Variants in KCNH7 observed in about 807,000 individuals in gnomAD.
KCNH7 encodes voltage-gated inwardly rectifying potassium channel KCNH7.
Under a neutral mutation model 120.8 loss-of-function variants are expected in KCNH7, and 49 were observed. That is an observed-to-expected ratio of 0.41 (90% CI 0.32 to 0.51). The LOEUF is 0.51. KCNH7 is among the 20% of genes least tolerant of loss of function. The pLI, the probability that KCNH7 is intolerant of heterozygous loss-of-function variation, is 0.38. For synonymous variants in KCNH7, 547 were observed against 516.1 expected (o/e 1.06, Z -0.81); for missense variants, 1,097 against 1,446.6 (o/e 0.76, Z 3.92).
chr2:162,654,114 T>C (rs1315564707), intron 2 of KCNH7, among the ~76,000 whole-genome samples: 2 of 146,432 alleles, frequency 1.4e-5, no homozygotes, highest in African/African-American at 5.0e-5. Flanking sequence ...GAAATGACCC[T>C]AAAAACACAA....
chr2:162,481,030 G>A (rs965548374), intron 6 of KCNH7, among the ~76,000 whole-genome samples: 7 of 152,044 alleles, frequency 4.6e-5, no homozygotes, highest in South Asian at 2.1e-4. Context: ...GGCTTCCTTC[G>A]TGTTTTAATG....
intron 2 of KCNH7, among the ~76,000 whole-genome samples, chr2:162,766,992 A>T (rs1682842518): frequency 6.6e-6 from 1 of 152,050 alleles, no homozygotes; most frequent in Non-Finnish European, 1.5e-5. Flanking sequence ...TTAACAATTT[A>T]TCTTTGAGAT....
chr2:162,512,081 T>G (rs1691098668), intron 5 of KCNH7, among the ~76,000 whole-genome samples: 1 of 151,758 alleles, frequency 6.6e-6, no homozygotes, highest in South Asian at 2.1e-4. Flanking sequence ...TTGTAGGTCA[T>G]GCCAGTGATT....
At chr2:162,484,380 A>G (rs1296754782) in intron 6 of KCNH7, among the ~76,000 whole-genome samples, 1 of 152,152 alleles carries the variant, frequency 6.6e-6, no homozygotes, top group African/African-American at 2.4e-5. Flanking sequence ...TCTCCTTTTC[A>G]GCATCCTGTA....
chr2:162,648,975 A>C (rs1290382675), intron 2 of KCNH7, among the ~76,000 whole-genome samples: 3 of 152,170 alleles, frequency 2.0e-5, no homozygotes, highest in African/African-American at 7.2e-5. Context: ...CTCAGACATG[A>C]TTCTCCAGGT....
At chr2:162,543,551 AT>A (rs1204122684) in intron 2 of KCNH7, among the ~76,000 whole-genome samples, 1 of 152,130 alleles carries the variant, frequency 6.6e-6, no homozygotes, top group East Asian at 1.9e-4. Context: ...AGTGTGAATA[AT>A]TTATTTTCAA....
In KCNH7 at chr2:162,838,581, T is replaced by C. The variant is rs1046497902; in HGVS notation, c.-63A>G. On this transcript the variant is annotated 5_prime_UTR_variant, in exon 1 of 16. Transcript: ENST00000332142. ...TCTGGAGTTCTCCCGGGATCTCTCC[T>C]CGGCTAGAGCCCAGGCCAGCGCGCG... 4.6e-5 allele frequency: 64 copies of C among 1,383,958 alleles called. No homozygotes were observed. The highest frequency in any genetic ancestry group is 5.7e-5 in the African/African-American group (4 of 70,438). The allele number at this position is 1,383,958 out of a possible 1,614,324, so 85.7% of individuals were successfully genotyped here. A position where few individuals can be genotyped will look rare whatever the true frequency, so the allele number is the denominator to read the frequency against.
At chr2:162,526,763 C>A (rs1691720299) in intron 3 of KCNH7, among the ~76,000 whole-genome samples, 1 of 151,998 alleles carries the variant, frequency 6.6e-6, no homozygotes, top group East Asian at 1.9e-4. Context: ...GCAGTTAACA[C>A]AATCATCACA....
chr2:162,502,020 G>A (rs1353675635), intron 6 of KCNH7: 1 of 152,062 alleles, frequency 6.6e-6, no homozygotes, highest in Non-Finnish European at 1.5e-5. Context: ...AACCCCCATG[G>A]CACTTATGTG....
rs188292553 is a variant in KCNH7 at position 162,623,795 on chromosome 2, T to C, written c.308-86715A>G. ...GAATGCGCCTGGTACACATGATATATCTTAGCTAATATCATTATCTTTTGA... is the reference window on the plus strand; with the variant it reads ...GAATGCGCCTGGTACACATGATATACCTTAGCTAATATCATTATCTTTTGA... On this transcript the variant is annotated intron_variant, in intron 2 of 15. Transcript: ENST00000332142. Among the ~76,000 whole-genome samples, 4 of 152,332 alleles carry C rather than the reference T, an allele frequency of 2.6e-5. No individual in the cohort carries two copies. The East Asian group carries it at 7.7e-4, about 29-fold the overall frequency.
chr2:162,587,292 A>G (rs771510496), intron 2 of KCNH7, among the ~76,000 whole-genome samples: 16 of 152,108 alleles, frequency 1.1e-4, no homozygotes, highest in African/African-American at 3.1e-4. Flanking sequence ...GGAAATTGTC[A>G]TGGGAATATT....
At chr2:162,529,666 C>T (rs1258937152) in intron 3 of KCNH7, among the ~76,000 whole-genome samples, 3 of 151,872 alleles carry the variant, frequency 2.0e-5, no homozygotes, top group Non-Finnish European at 4.4e-5. Context: ...TTTGTTTCTC[C>T]TCCATTTTTC....
chr2:162,424,600 T>TC (rs933580741), intron 8 of KCNH7, among the ~76,000 whole-genome samples: 51 of 152,330 alleles, frequency 3.3e-4, no homozygotes, highest in African/African-American at 1.1e-3. Flanking sequence ...CACATTTTTT[T>TC]CCCTCAAACA....
intron 2 of KCNH7, among the ~76,000 whole-genome samples, chr2:162,674,656 A>C (rs1409742373): frequency 6.6e-6 from 1 of 151,766 alleles, no homozygotes; most frequent in Non-Finnish European, 1.5e-5. Context: ...AAGTAGAGCA[A>C]TTCAACAAAA....
intron 2 of KCNH7, among the ~76,000 whole-genome samples, chr2:162,780,848 G>C (rs1453167657): frequency 6.6e-6 from 1 of 152,036 alleles, no homozygotes; most frequent in South Asian, 2.1e-4. Context: ...ATACTGTTTA[G>C]AGTATGATTT....
At chr2:162,717,948 C>T (rs956017414) in intron 2 of KCNH7, among the ~76,000 whole-genome samples, 13 of 152,142 alleles carry the variant, frequency 8.5e-5, no homozygotes, top group African/African-American at 2.2e-4. Flanking sequence ...CCACATTTAA[C>T]TGACATGATT....
chr2:162,681,976 T>C (rs1432228001), intron 2 of KCNH7, among the ~76,000 whole-genome samples: 1 of 151,656 alleles, frequency 6.6e-6, no homozygotes, highest in Admixed American at 6.6e-5. Flanking sequence ...GGAAATTAAT[T>C]TTTTCTGTGT....
At chr2:162,558,347 T>C (rs1235895567) in intron 2 of KCNH7, among the ~76,000 whole-genome samples, 1 of 152,034 alleles carries the variant, frequency 6.6e-6, no homozygotes, top group Non-Finnish European at 1.5e-5. Flanking sequence ...GCTAATTTTT[T>C]GTATTTTTGG....
chr2:162,683,219 C>T (rs1182474021), intron 2 of KCNH7, among the ~76,000 whole-genome samples: 5 of 151,668 alleles, frequency 3.3e-5, no homozygotes, highest in Non-Finnish European at 5.9e-5. Context: ...GATTTATATC[C>T]CTCTTTGTGT....
Sources: gnomAD v4.1 joint callset for allele counts (sites outside exome capture counted in the v4.1 genomes callset) on GRCh38, gnomAD v4.1.1 for gene constraint, MANE v1.5 for transcripts, NCBI Gene and HGNC (gene_info 2026-07-23, HGNC 2026-07-21) for gene names.